The following COL5A3 variants were observed in gnomAD, a reference collection of about 807,000 sequenced individuals.
The protein encoded by COL5A3 is collagen type V alpha 3 chain, also known as collagen alpha-3(V) chain.
COL5A3 carries 172 observed loss-of-function variants against 250.0 expected under a neutral mutation model. The ratio of observed to expected loss-of-function variants is 0.69; its 90% CI spans 0.61 to 0.78. COL5A3 has a LOEUF of 0.78. Among genes scored for constraint, COL5A3 ranks in the 30% least tolerant of loss-of-function variants. COL5A3 has a pLI of 0.00. For missense variants in COL5A3, 2,340 were observed against 2,334.4 expected, an observed-to-expected ratio of 1.00 and a Z score of -0.05; for synonymous variants, 937 against 900.4, an observed-to-expected ratio of 1.04 and a Z score of -0.73.
Position 9,960,691 on chromosome 19 carries a change from G to A in COL5A3, c.5051C>T (p.Thr1684Met), listed in dbSNP as rs770948835. 5.4e-5 allele frequency: 87 copies of A among 1,613,918 alleles called. No homozygotes were observed. Among genetic ancestry groups the A allele is most frequent in the East Asian group, 2.9e-4 (13 of 44,872 alleles). The change falls in exon 66 of 67, where the codon ACG (threonine) becomes ATG (methionine). Residue 1684 changes from threonine to methionine, a missense_variant. By Grantham distance (81) the Thr-to-Met change is moderately conservative (BLOSUM62 -1). Around this residue, in one of 3 missense-constraint regions of COL5A3, gnomAD observed 1,179 missense variants for 1,162.6 expected, o/e 1.01. Transcript: ENST00000264828. The stretch of plus-strand genomic sequence containing the variant: ...GGGGACGCTGACAGTGGCTGCTGTC[G>A]TCTGGTTGAAAGACAGCTCCTCTCC... ...TNGEELSFNQ[T>M]TAATVSVPQD...
Position 10,002,757 on chromosome 19 carries a change from A to C in COL5A3, c.849+808T>G, listed in dbSNP as rs368504708. On this transcript the variant is annotated intron_variant, in intron 6 of 66. Coordinates refer to ENST00000264828, the MANE Select transcript of COL5A3 (RefSeq NM_015719.4). Reference sequence around the variant, plus strand: ...TAAATGAGCGCAACAAAAGCGTCCTAACCAATGACCCCCAAATAGTAATTC... The same window carrying C: ...TAAATGAGCGCAACAAAAGCGTCCTCACCAATGACCCCCAAATAGTAATTC... Among the ~76,000 whole-genome samples, 2 of 152,264 alleles carry C rather than the reference A, an allele frequency of 1.3e-5. 1 individual carries two copies.
chr19:9,998,611 G>A (rs888441819), intron 8 of COL5A3, among the ~76,000 whole-genome samples: 2 of 152,090 alleles, frequency 1.3e-5, no homozygotes, highest in East Asian at 1.9e-4. Context: ...TTACAACTAT[G>A]TGTCTATGCG....
chr19:9,980,174 A>C, intron 35 of COL5A3, 127 bp from the exon 36 acceptor site: 1 of 886,502 alleles, frequency 1.1e-6, no homozygotes, highest in Non-Finnish European at 1.7e-6. Flanking sequence ...TGGGCAGGGC[A>C]TTCTCCACAA....
intron 19 of COL5A3, 46 bp from the exon 20 acceptor site, chr19:9,993,113 G>A (rs769345733): frequency 1.6e-5 from 26 of 1,597,630 alleles, no homozygotes; most frequent in African/African-American, 2.7e-5. Context: ...TACAACCCTC[G>A]GAGAGCCACC....
At position 9,973,745 on chromosome 19, in the gene COL5A3, C is replaced by T. The variant is rs1270162984; in HGVS notation, c.3612+11G>A. 8 of 1,613,912 alleles carry T rather than the reference C, an allele frequency of 5.0e-6. No homozygotes were observed. The East Asian group carries it at 1.8e-4, about 36-fold the overall frequency. ...CTTCCCCCCGTGCAGCCCCTGCCTT[C>T]CCTCACTCACCTTCTCACCCACGGC... On this transcript the variant is annotated intron_variant, in intron 49 of 66. Transcript: ENST00000264828.
intron 61 of COL5A3, 118 bp downstream of exon 61, chr19:9,967,786 C>T (rs1179881029): frequency 1.4e-5 from 14 of 1,021,296 alleles, no homozygotes; most frequent in South Asian, 5.3e-5. Flanking sequence ...AAATATTTGT[C>T]GAACGCACGA....
chr19:9,985,868 C>T lies in COL5A3; in HGVS notation c.2380G>A (p.Gly794Ser), dbSNP rs1162811516. The change falls in exon 31 of 67, where the codon GGT (glycine) becomes AGT (serine). Residue 794 changes from glycine to serine, a missense_variant. Physicochemically the swap from Gly to Ser is moderately conservative, Grantham distance 56. Transcript: ENST00000264828. ...TTAGGTCCAGGGCGTCCTGGATAAC[C>T]TGGGAGGCCTGGCACCCCAAGCTTG... ...KGKLGVPGLP[G>S]YPGRPGPKGS... 1.2e-6 allele frequency: 2 copies of T among 1,614,012 alleles called. No individual in the cohort carries two copies. Among genetic ancestry groups the T allele is most frequent in the East Asian group, 2.2e-5 (1 of 44,878 alleles).
At chr19:9,974,265 G>T (rs772488543) in intron 46 of COL5A3, 36 bp downstream of exon 46, 1 of 1,611,852 alleles carries the variant, frequency 6.2e-7, no homozygotes, top group South Asian at 1.1e-5. Flanking sequence ...CAGGTAGGGA[G>T]AATCAGAAGT....
intron 54 of COL5A3, among the ~76,000 whole-genome samples, chr19:9,970,321 G>C (rs544025535): frequency 5.1e-4 from 63 of 124,246 alleles, no homozygotes; most frequent in Non-Finnish European, 7.2e-4. Context: ...GAATCTGTGG[G>C]TGAGTGGGGT....
chr19:9,997,726 C>T (rs572597902), intron 10 of COL5A3, among the ~76,000 whole-genome samples: 1 of 152,254 alleles, frequency 6.6e-6, no homozygotes, highest in South Asian at 2.1e-4. Context: ...CTTGGCCTCC[C>T]AAGTAGTTGG....
rs1215727498 is a variant in COL5A3 at position 9,980,620 on chromosome 19, A to G, written c.2604+28T>C. On this transcript the variant is annotated intron_variant, in intron 35 of 66. Coordinates refer to ENST00000264828, the MANE Select transcript of COL5A3 (RefSeq NM_015719.4). ...CTCTCTCTCACACACACACACATTC[A>G]CACACACACACACACACACACACTC... is the stretch of plus-strand genomic sequence containing the variant. The G allele has an allele frequency of 2.0e-5, 5 of 251,390 alleles. No homozygotes were observed. The Admixed American group carries it at 5.8e-4, about 29-fold the overall frequency. 15.6% of individuals were successfully genotyped at this position (251,390 alleles called of 1,614,324 possible). A position where few individuals can be genotyped will look rare whatever the true frequency, so the allele number is the denominator to read the frequency against.
At chr19:10,002,413 C>A (rs2087377476) in intron 6 of COL5A3, among the ~76,000 whole-genome samples, 1 of 151,866 alleles carries the variant, frequency 6.6e-6, no homozygotes, top group East Asian at 1.9e-4. Flanking sequence ...GTAGTGCAAC[C>A]AGTGACTCCC....
intron 51 of COL5A3, among the ~76,000 whole-genome samples, chr19:9,971,764 A>G (rs545480676): frequency 5.0e-4 from 76 of 152,256 alleles, no homozygotes; most frequent in African/African-American, 1.8e-3. Context: ...AATCTGACCC[A>G]ATTCAACCTT....
At position 9,970,641 on chromosome 19, in the gene COL5A3, G is replaced by T. The variant is rs866625613; in HGVS notation, c.3917C>A (p.Pro1306His). 6 of 1,456,184 alleles carry T rather than the reference G, an allele frequency of 4.1e-6. No homozygotes were observed. The African/African-American group carries it at 5.8e-5, about 14-fold the overall frequency. 90.2% of individuals were successfully genotyped at this position (1,456,184 alleles called of 1,614,324 possible). A position where few individuals can be genotyped will look rare whatever the true frequency, so the allele number is the denominator to read the frequency against. ...ACTTACCCTCTTGCCGGGGGGCCCG[G>T]GGGCGCCGGGCTCCCCAGAAGCTCC... The part of the protein sequence containing the change: ...PPGASGEPGA[P>H]GPPGKRGPSG... The change falls in exon 54 of 67, where the codon CCC becomes CAC. Residue 1306 changes from proline to histidine, a missense_variant. Physicochemically the swap from Pro to His is moderately conservative, Grantham distance 77. Around this residue, in one of 3 missense-constraint regions of COL5A3, gnomAD observed 1,179 missense variants for 1,162.6 expected, o/e 1.01. Transcript: ENST00000264828.
chr19:9,960,619 C>T (rs2145040527), intron 66 of COL5A3, 32 bp downstream of exon 66: 2 of 1,613,668 alleles, frequency 1.2e-6, no homozygotes, highest in South Asian at 1.1e-5. Flanking sequence ...CTTGCCTCCC[C>T]TCTCTAGCTG....
chr19:9,969,478 A>G (rs867593718), intron 56 of COL5A3, 76 bp from the exon 57 acceptor site: 3 of 1,582,702 alleles, frequency 1.9e-6, no homozygotes, highest in African/African-American at 1.4e-5. Context: ...ACCATGCACC[A>G]GGGGCAGCCC....
intron 8 of COL5A3, among the ~76,000 whole-genome samples, chr19:9,998,651 T>C (rs2087307440): frequency 6.6e-6 from 1 of 151,956 alleles, no homozygotes; most frequent in Admixed American, 6.6e-5. Flanking sequence ...AGGCTTTTCC[T>C]TTCTCCCTTT....
rs576119335 is a variant in COL5A3, at chr19:10,000,452, C to CTTTTTTTTTTTT, written c.1110+1060_1110+1071dup. Among the ~76,000 whole-genome samples, 17 of 62,762 alleles carry CTTTTTTTTTTTT rather than the reference C, an allele frequency of 2.7e-4. 3 individuals carry two copies. The highest frequency in any genetic ancestry group is 3.2e-4 in the Non-Finnish European group (11 of 34,596). The allele number at this position is 62,762 out of a possible 152,430, so 41.2% of individuals were successfully genotyped here. A position where few individuals can be genotyped will look rare whatever the true frequency, so the allele number is the denominator to read the frequency against. On this transcript the variant is annotated intron_variant, in intron 8 of 66. Transcript: ENST00000264828. Reference sequence around the variant, plus strand: ...TGTGCCATTCAGCAGCCAGAGAGCTCTTTTTTTTTTTTTTTTTTTTTTTTT... The same window carrying CTTTTTTTTTTTT: ...TGTGCCATTCAGCAGCCAGAGAGCTCTTTTTTTTTTTTTTTTTTTTTTTTTTTTTTTTTTTTT...
In COL5A3 at chr19:9,976,978, C is replaced by T. The variant is rs567483525; in HGVS notation, c.3288+251G>A. On this transcript the variant is annotated intron_variant, in intron 44 of 66. Transcript: ENST00000264828. ...GTGTCACTAACAATGGAGAAGGTTA[C>T]CCGCACCCCAGTGCCTTTCCAGTTC... 6.4e-4 allele frequency among the ~76,000 whole-genome samples: 97 copies of T among 152,242 alleles called. 1 individual carries two copies. Among genetic ancestry groups the T allele is most frequent in the Non-Finnish European group, 3.4e-4 (23 of 68,004 alleles).
Sources: gnomAD v4.1 joint callset for allele counts (sites outside exome capture counted in the v4.1 genomes callset) on GRCh38, gnomAD v4.1.1 for gene constraint, gnomAD v4.1.1 regional missense constraint, MANE v1.5 for transcripts, NCBI Gene and HGNC (gene_info 2026-07-23, HGNC 2026-07-21) for gene names.